The following CDK11B variants were observed in gnomAD, a reference collection of about 807,000 sequenced individuals.
CDK11B encodes cyclin-dependent kinase 11B.
Under a neutral mutation model 84.0 loss-of-function variants are expected in CDK11B, and 37 were observed. The observed-to-expected ratio is 0.44, with a 90% CI of 0.34 to 0.58. The LOEUF (loss-of-function observed/expected upper bound fraction) is 0.58. Ranked by LOEUF, CDK11B falls within the 20% of genes least tolerant of loss-of-function variation. CDK11B has a pLI of 0.02. For synonymous variants in CDK11B, 269 were observed against 309.8 expected (o/e 0.87, Z 1.38); for missense variants, 427 against 834.0 (o/e 0.51, Z 6.01).
intron 3 of CDK11B, among the ~76,000 whole-genome samples, chr1:1,652,870 C>T (rs1642190303): frequency 1.3e-5 from 2 of 151,958 alleles, no homozygotes; most frequent in Admixed American, 6.6e-5. Flanking sequence ...GGACTACAGG[C>T]GCCCGCCGCC....
intron 4 of CDK11B, among the ~76,000 whole-genome samples, chr1:1,651,645 C>T (rs1193421564): frequency 6.6e-6 from 1 of 150,470 alleles, no homozygotes; most frequent in African/African-American, 2.5e-5. Context: ...CTGTATAGCC[C>T]TTCTGAACGG....
chr1:1,637,807 G>A lies in CDK11B; in HGVS notation c.1419C>T (p.Ile473=). Residue 473 remains isoleucine (I), a synonymous_variant, in exon 13 of 20, where the codon ATC becomes ATT. Transcript: ENST00000341832. Reference sequence around the variant, plus strand: ...GATGCTGGGCCTTGAGGATGGTGTTGATCTCCCTCAGCGACGTGATCGGGA... The same window carrying A: ...GATGCTGGGCCTTGAGGATGGTGTTAATCTCCCTCAGCGACGTGATCGGGA... The part of the protein sequence containing the change: ...EGFPITSLRE[I]NTILKAQHPN... The A allele has an allele frequency of 1.9e-6, 3 of 1,613,762 alleles. No homozygotes were observed. Among genetic ancestry groups the A allele is most frequent in the Non-Finnish European group, 2.5e-6 (3 of 1,179,704 alleles).
intron 13 of CDK11B, 77 bp from the exon 14 acceptor site, chr1:1,637,590 G>A (rs934637653): frequency 2.7e-5 from 43 of 1,608,926 alleles, no homozygotes; most frequent in African/African-American, 6.7e-5. Flanking sequence ...AGCTGCTGAG[G>A]GACAGTAAGG....
intron 13 of CDK11B, 47 bp from the exon 14 acceptor site, chr1:1,637,560 C>T: frequency 6.2e-7 from 1 of 1,608,582 alleles, no homozygotes; most frequent in Non-Finnish European, 8.5e-7. Flanking sequence ...AGGCCCCCAC[C>T]CACCCCTGCA....
At chr1:1,656,909 G>A (rs1429941620) in intron 2 of CDK11B, among the ~76,000 whole-genome samples, 1 of 151,916 alleles carries the variant, frequency 6.6e-6, no homozygotes, top group African/African-American at 2.4e-5. Context: ...CATCCCAAAT[G>A]ATGCTGCTAA....
intron 13 of CDK11B, 73 bp from the exon 14 acceptor site, chr1:1,637,586 T>G: frequency 6.2e-7 from 1 of 1,609,144 alleles, no homozygotes; most frequent in African/African-American, 1.3e-5. Flanking sequence ...GTGCAGCTGC[T>G]GAGGGACAGT....
At chr1:1,636,583 C>G (rs1041412004) in intron 17 of CDK11B, 99 bp downstream of exon 17, 3 of 1,579,546 alleles carry the variant, frequency 1.9e-6, no homozygotes, top group East Asian at 4.6e-5. Context: ...TCTCAGTGGC[C>G]CTGGTCCCCA....
rs1207058108 is a variant in CDK11B, at chr1:1,650,186, C to T, written c.356-549G>A. On this transcript the variant is annotated intron_variant, in intron 4 of 19. Coordinates refer to ENST00000341832, the MANE Select transcript of CDK11B (RefSeq NM_033486.3). ...TCGGGAGGCTGAGGCGGGAGAATAG[C>T]GTGAACCCAGGAGATGGAATTTGCA... 7.2e-5 allele frequency among the ~76,000 whole-genome samples: 10 copies of T among 139,086 alleles called. No individual in the cohort carries two copies. The East Asian group carries it at 1.2e-3, about 17-fold the overall frequency. 91.2% of individuals were successfully genotyped at this position (139,086 alleles called of 152,430 possible).
chr1:1,636,822 A>C (rs1383256493), intron 16 of CDK11B, 24 bp from the exon 17 acceptor site: 1 of 1,613,732 alleles, frequency 6.2e-7, no homozygotes, highest in Non-Finnish European at 8.5e-7. Context: ...AGAGGTGTTC[A>C]GGAGGGCCAG....
At position 1,636,450 on chromosome 1, in the gene CDK11B, G is replaced by A; in HGVS notation, c.1949C>T (p.Pro650Leu). 1.2e-6 allele frequency: 2 copies of A among 1,612,962 alleles called. No homozygotes were observed. Among genetic ancestry groups the A allele is most frequent in the Non-Finnish European group, 1.7e-6 (2 of 1,179,386 alleles). The stretch of plus-strand genomic sequence containing the variant: ...GACTGCTGGGAGCTCGCTGTAGCCG[G>A]GCCAGATTTTCTCACTAGGGGTCCC... ...DLGTPSEKIW[P>L]GYSELPAVKK... Residue 650 changes from proline (P) to leucine (L), a missense_variant, in exon 18 of 20, where the codon CCC becomes CTC. Physicochemically the swap from Pro to Leu is moderately conservative, Grantham distance 98. Transcript: ENST00000341832.
rs1164698978 is a variant in CDK11B, at chr1:1,636,896, C to T, written c.1800+1G>A. On this transcript the variant is annotated splice_donor_variant, in intron 16 of 19. Transcript: ENST00000341832. LOFTEE classifies it high-confidence loss of function. ...GAGGCACTCAGACGCCCAGGACTCA[C>T]CTTGGCACCAAGCAGCAGCTCTGGG... 1 of 1,606,916 alleles carries T rather than the reference C, an allele frequency of 6.2e-7. No homozygotes were observed. Among genetic ancestry groups the T allele is most frequent in the Admixed American group, 1.7e-5 (1 of 59,752 alleles).
intron 3 of CDK11B, among the ~76,000 whole-genome samples, chr1:1,653,318 C>G (rs796245829): frequency 6.6e-6 from 1 of 152,022 alleles, no homozygotes. Flanking sequence ...CCACCGCACC[C>G]AGCTTTATTT....
At chr1:1,640,240 A>C (rs747755165) in intron 11 of CDK11B, 37 bp downstream of exon 11, 1 of 1,609,424 alleles carries the variant, frequency 6.2e-7, no homozygotes, top group Non-Finnish European at 8.5e-7. Flanking sequence ...CCGACTGCCA[A>C]TGCGGACAGT....
intron 3 of CDK11B, among the ~76,000 whole-genome samples, chr1:1,654,471 C>G (rs143880677): frequency 6.6e-6 from 1 of 151,568 alleles, no homozygotes; most frequent in East Asian, 1.9e-4. Flanking sequence ...TGTGTAGAGA[C>G]GAGGTCTCCC....
rs1290592876 is a variant in CDK11B at position 1,649,968 on chromosome 1, A to C, written c.356-331T>G. ...TACAGCCTGGGCAAAAAAAAAAAAA[A>C]AACCCACGTGAAACTGAAATTAAGA... is the stretch of plus-strand genomic sequence containing the variant. On this transcript the variant is annotated intron_variant, in intron 4 of 19. Transcript: ENST00000341832. Among the ~76,000 whole-genome samples the C allele has an allele frequency of 3.4e-5, 5 of 148,106 alleles. No individual in the cohort carries two copies. The East Asian group carries it at 1.0e-3, about 30-fold the overall frequency.
rs1201246991 is a variant in CDK11B, at chr1:1,649,531, C to T, written c.462G>A (p.Arg154=). 2.9e-4 allele frequency: 459 copies of T among 1,600,104 alleles called. No homozygotes were observed. The Middle Eastern group carries it at 3.1e-3, about 11-fold the overall frequency. ...ARREWERQKR[R]EMAREHSRRE... is the part of the protein sequence containing the mutation. ...TCCTGGAATGCTCCCTTGCCATCTC[C>T]CTTCTCTTCTGTCTTTCCCATTCCC... Residue 154 remains arginine, a synonymous_variant, in exon 5 of 20, where the codon AGG becomes AGA. Transcript: ENST00000341832.
Position 1,640,416 on chromosome 1 carries a change from C to G in CDK11B, c.1112G>C (p.Ser371Thr). ...ESRFDRDSGE[S>T]EEAEEEVGEG... The stretch of plus-strand genomic sequence containing the variant: ...ACCCACTTCTTCCTCTGCTTCTTCA[C>G]TCTCCCCGGAATCTCGGTCGAACCG... Residue 371 changes from serine to threonine, a missense_variant, in exon 11 of 20, where the codon AGT becomes ACT. Transcript: ENST00000341832. The G allele has an allele frequency of 6.2e-7, 1 of 1,613,702 alleles. No individual in the cohort carries two copies. Among genetic ancestry groups the G allele is most frequent in the Non-Finnish European group, 8.5e-7 (1 of 1,179,646 alleles).
In CDK11B at chr1:1,650,429, A is replaced by G. The variant is rs1479081093; in HGVS notation, c.356-792T>C. The stretch of plus-strand genomic sequence containing the variant: ...CGCCCAGGCTGGAGTGCAGTGGCGC[A>G]ATCTCGGCTCACTGCAAGCTCCGCC... On this transcript the variant is annotated intron_variant, in intron 4 of 19. Coordinates refer to ENST00000341832, the MANE Select transcript of CDK11B (RefSeq NM_033486.3). Among the ~76,000 whole-genome samples, 145 of 141,494 alleles carry G rather than the reference A, an allele frequency of 1.0e-3. 5 individuals carry two copies. In the South Asian group the frequency reaches 0.022, roughly 22 times the overall value. The allele number at this position is 141,494 out of a possible 152,430, so 92.8% of individuals were successfully genotyped here.
rs371747294 is a variant in CDK11B at position 1,636,664 on chromosome 1, C to A, written c.1917+18G>T. On this transcript the variant is annotated intron_variant, in intron 17 of 19. Coordinates refer to ENST00000341832, the MANE Select transcript of CDK11B (RefSeq NM_033486.3). ...CCTCCACAACCCCACAGCGCACCTG[C>A]AGCAGGGCCAGACCCACCTTGAACA... 7 of 1,613,784 alleles carry A rather than the reference C, an allele frequency of 4.3e-6. No homozygotes were observed. The African/African-American group carries it at 6.7e-5, about 15-fold the overall frequency.
Sources: gnomAD v4.1 joint callset for allele counts (sites outside exome capture counted in the v4.1 genomes callset) on GRCh38, gnomAD v4.1.1 for gene constraint, MANE v1.5 for transcripts, NCBI Gene and HGNC (gene_info 2026-07-23, HGNC 2026-07-21) for gene names.